Variants in ZNF354C observed in about 807,000 individuals in gnomAD.
ZNF354C encodes the protein zinc finger protein 354C.
Under a neutral mutation model 12.4 loss-of-function variants are expected in ZNF354C, and 7 were observed. That is an observed-to-expected ratio of 0.56 (90% CI 0.32 to 1.06). The LOEUF is 1.06. Ranked by LOEUF, ZNF354C falls within the 50% of genes least tolerant of loss-of-function variation. ZNF354C has a pLI of 0.04. For missense variants in ZNF354C, 609 were observed against 658.0 expected (o/e 0.93, Z 0.81); for synonymous variants, 202 against 224.5 (o/e 0.90, Z 0.90).
intron 2 of ZNF354C, among the ~76,000 whole-genome samples, chr5:179,070,971 C>T (rs1249299858): frequency 6.6e-6 from 1 of 151,364 alleles, no homozygotes; most frequent in African/African-American, 2.4e-5. Flanking sequence ...GCCTCAGCCT[C>T]CTGAGTAGCT....
intron 2 of ZNF354C, among the ~76,000 whole-genome samples, chr5:179,069,820 T>C (rs556154881): frequency 4.8e-4 from 72 of 150,386 alleles, no homozygotes; most frequent in South Asian, 6.4e-4. Context: ...GAGCCGAGAT[T>C]GCGCCCCTGC....
At chr5:179,069,069 G>C (rs1762001407) in intron 2 of ZNF354C, among the ~76,000 whole-genome samples, 1 of 152,236 alleles carries the variant, frequency 6.6e-6, no homozygotes, top group Non-Finnish European at 1.5e-5. Flanking sequence ...CTGAGGCATA[G>C]GGGTGGAAGC....
In ZNF354C at chr5:179,071,655, C is replaced by A. The variant is rs13362087; in HGVS notation, c.28-4790C>A. The stretch of plus-strand genomic sequence containing the variant: ...CCACAGTCAGCACCAACAGAATAAT[C>A]AAAACTTAGTCACAAACTTGCAGTC... On this transcript the variant is annotated intron_variant, in intron 2 of 4. Transcript: ENST00000315475. Among the ~76,000 whole-genome samples the A allele has an allele frequency of 3.3e-5, 5 of 152,198 alleles. No homozygotes were observed. In the East Asian group the frequency reaches 9.7e-4, roughly 29 times the overall value.
chr5:179,067,853 AAAG>A (rs1344714101), intron 2 of ZNF354C, among the ~76,000 whole-genome samples: 11 of 152,108 alleles, frequency 7.2e-5, no homozygotes, highest in Admixed American at 2.6e-4. Flanking sequence ...CTCAAAAAAA[AAAG>A]AAGAAGAAGA....
intron 4 of ZNF354C, among the ~76,000 whole-genome samples, chr5:179,077,946 C>T (rs1248593027): frequency 6.6e-6 from 1 of 151,882 alleles, no homozygotes; most frequent in Non-Finnish European, 1.5e-5. Flanking sequence ...GCTGGGACCA[C>T]AGGTACATGC....
rs527495881 is a variant in ZNF354C, at chr5:179,077,831, G to C, written c.250+665G>C. Among the ~76,000 whole-genome samples, 55 of 121,370 alleles carry C rather than the reference G, an allele frequency of 4.5e-4. 2 individuals carry two copies. The South Asian group carries it at 0.015, about 33-fold the overall frequency. The allele number at this position is 121,370 out of a possible 152,430, so 79.6% of individuals were successfully genotyped here. Reference sequence around the variant, plus strand: ...CTCCTTTTTTTTTTTTTTTTTTTGAGATGAGTCTCTGTCACCCAGGCCGGA... The same window carrying C: ...CTCCTTTTTTTTTTTTTTTTTTTGACATGAGTCTCTGTCACCCAGGCCGGA... On this transcript the variant is annotated intron_variant, in intron 4 of 4. Coordinates refer to ENST00000315475, the MANE Select transcript of ZNF354C (RefSeq NM_014594.3).
At position 179,061,696 on chromosome 5, in the gene ZNF354C, C is replaced by T. The variant is rs1455026800; in HGVS notation, c.-54-319C>T. Among the ~76,000 whole-genome samples the T allele has an allele frequency of 6.6e-5, 10 of 152,046 alleles. No homozygotes were observed. The East Asian group carries it at 1.9e-3, about 30-fold the overall frequency. The stretch of plus-strand genomic sequence containing the variant: ...AGCTAGCTAGGCTGGGAAGTGGCGC[C>T]CCAGGAGACTGGATATTCATTGCGA... On this transcript the variant is annotated intron_variant, in intron 1 of 4. Coordinates refer to ENST00000315475, the MANE Select transcript of ZNF354C (RefSeq NM_014594.3).
intron 2 of ZNF354C, among the ~76,000 whole-genome samples, chr5:179,074,228 G>A (rs368462711): frequency 5.3e-5 from 8 of 151,690 alleles, no homozygotes; most frequent in East Asian, 1.9e-4. Context: ...TGATCCGCCC[G>A]CGTCAGCCTC....
chr5:179,071,041 C>G (rs1360145642), intron 2 of ZNF354C, among the ~76,000 whole-genome samples: 1 of 151,666 alleles, frequency 6.6e-6, no homozygotes, highest in African/African-American at 2.4e-5. Flanking sequence ...TTAGTAGAGA[C>G]GGCATTTCAC....
At chr5:179,073,516 G>T (rs890599928) in intron 2 of ZNF354C, among the ~76,000 whole-genome samples, 1 of 151,840 alleles carries the variant, frequency 6.6e-6, no homozygotes, top group African/African-American at 2.4e-5. Flanking sequence ...CATGAAGATA[G>T]AATTTATTTA....
At chr5:179,070,841 C>CTTTTTTTTTTTTTT (rs766817856) in intron 2 of ZNF354C, among the ~76,000 whole-genome samples, 5 of 75,438 alleles carry the variant, frequency 6.6e-5, no homozygotes, top group South Asian at 5.7e-4. Context: ...CTTGATCGCT[C>CTTTTTTTTTTTTTT]TTTTTTTTTT....
At chr5:179,066,434 C>T (rs1407396554) in intron 2 of ZNF354C, among the ~76,000 whole-genome samples, 1 of 152,204 alleles carries the variant, frequency 6.6e-6, no homozygotes, top group East Asian at 1.9e-4. Flanking sequence ...TCATTTGTTC[C>T]TTCTCTATCT....
intron 2 of ZNF354C, among the ~76,000 whole-genome samples, chr5:179,063,940 G>A (rs907103436): frequency 6.6e-6 from 1 of 152,216 alleles, no homozygotes; most frequent in Non-Finnish European, 1.5e-5. Context: ...GGTGTGCTTC[G>A]CCTCACTAGG....
At chr5:179,076,310 C>G in intron 2 of ZNF354C, 135 bp from the exon 3 acceptor site, 1 of 1,351,266 alleles carries the variant, frequency 7.4e-7, no homozygotes, top group Admixed American at 2.1e-5. Context: ...ATGGGTGGTT[C>G]CAAAAATTAC....
intron 2 of ZNF354C, among the ~76,000 whole-genome samples, chr5:179,073,744 TC>T (rs1280300447): frequency 1.3e-5 from 2 of 152,182 alleles, no homozygotes; most frequent in Non-Finnish European, 2.9e-5. Flanking sequence ...CACTGCAGCT[TC>T]CCTGGGTTCA....
chr5:179,076,351 T>G, intron 2 of ZNF354C, 94 bp from the exon 3 acceptor site: 986 of 1,539,624 alleles, frequency 6.4e-4, no homozygotes, highest in Non-Finnish European at 7.9e-4. Flanking sequence ...ATTAGAATCC[T>G]GAGATTTTCT....
In ZNF354C at chr5:179,082,598, G is replaced by T; in HGVS notation, c.*2501G>T. 1.9e-6 allele frequency: 2 copies of T among 1,074,970 alleles called. No individual in the cohort carries two copies. The highest frequency in any genetic ancestry group is 2.9e-6 in the Non-Finnish European group (2 of 691,244). The allele number at this position is 1,074,970 out of a possible 1,614,324, so 66.6% of individuals were successfully genotyped here. A position where few individuals can be genotyped will look rare whatever the true frequency, so the allele number is the denominator to read the frequency against. On this transcript the variant is annotated 3_prime_UTR_variant, in exon 5 of 5. Coordinates refer to ENST00000315475, the MANE Select transcript of ZNF354C (RefSeq NM_014594.3). ...CCAGATTTCGGGAGGGATGAAGAGG[G>T]AGATATTCAGAAACCTTCACCAGAT... is the stretch of plus-strand genomic sequence containing the variant.
Position 179,080,110 on chromosome 5 carries a change from A to C in ZNF354C, c.*13A>C. On this transcript the variant is annotated 3_prime_UTR_variant, in exon 5 of 5. Coordinates refer to ENST00000315475, the MANE Select transcript of ZNF354C (RefSeq NM_014594.3). ...CTATGAGGTTTAGTTCATCTCTCAAATAATCCAAGACTTCTCACTGGGGAA... is the reference window on the plus strand; with the variant it reads ...CTATGAGGTTTAGTTCATCTCTCAACTAATCCAAGACTTCTCACTGGGGAA... 1 of 1,516,714 alleles carries C rather than the reference A, an allele frequency of 6.6e-7. No individual in the cohort carries two copies. Among genetic ancestry groups the C allele is most frequent in the South Asian group, 1.3e-5 (1 of 76,276 alleles). The allele number at this position is 1,516,714 out of a possible 1,614,324, so 94.0% of individuals were successfully genotyped here.
chr5:179,063,958 C>T lies in ZNF354C; in HGVS notation c.27+1863C>T, dbSNP rs1382572365. Among the ~76,000 whole-genome samples, 4 of 152,298 alleles carry T rather than the reference C, an allele frequency of 2.6e-5. No homozygotes were observed. The South Asian group carries it at 8.3e-4, about 32-fold the overall frequency. ...GTGCTTCGCCTCACTAGGCCTGATT[C>T]CTTAATTAGAAGCAGATGGATATTT... On this transcript the variant is annotated intron_variant, in intron 2 of 4. Transcript: ENST00000315475.
Sources: allele counts gnomAD v4.1 joint callset (sites outside exome capture counted in the v4.1 genomes callset), GRCh38; gene constraint gnomAD v4.1.1; transcripts MANE v1.5; gene names NCBI Gene and HGNC (gene_info 2026-07-23, HGNC 2026-07-21).